RIMS2: variants seen among roughly 807,000 people sequenced by gnomAD.
RIMS2 encodes regulating synaptic membrane exocytosis protein 2.
Under a neutral mutation model 174.4 loss-of-function variants are expected in RIMS2, and 59 were observed. The ratio of observed to expected loss-of-function variants is 0.34; its 90% CI spans 0.27 to 0.42. The LOEUF is 0.42. Ranked by LOEUF, RIMS2 falls within the 10% of genes least tolerant of loss-of-function variation. The pLI, the probability that RIMS2 is intolerant of heterozygous loss-of-function variation, is 1.00. For synonymous variants in RIMS2, 606 were observed against 572.5 expected (o/e 1.06, Z -0.84); for missense variants, 1,620 against 1,666.3 (o/e 0.97, Z 0.48).
chr8:103,509,066 G>C lies in RIMS2; in HGVS notation c.176+8004G>C, dbSNP rs1825182866. Among the ~76,000 whole-genome samples, 3 of 152,070 alleles carry C rather than the reference G, an allele frequency of 2.0e-5. No homozygotes were observed. In the South Asian group the frequency reaches 6.2e-4, roughly 31 times the overall value. On this transcript the variant is annotated intron_variant, in intron 1 of 23. Coordinates refer to ENST00000504942, the Ensembl canonical transcript of RIMS2. The stretch of plus-strand genomic sequence containing the variant: ...ATTTTATTGTTTTAGTTATTCTAGA[G>C]AGTTTGTAGCATTAATATGAGTAAT...
intron 1 of RIMS2, among the ~76,000 whole-genome samples, chr8:103,692,664 G>C (rs1482994563): frequency 6.6e-6 from 1 of 152,206 alleles, no homozygotes; most frequent in African/African-American, 2.4e-5. Context: ...TTCTGGCCCA[G>C]AGTATCTCTA....
chr8:103,816,787 T>C, intron 3 of RIMS2, among the ~76,000 whole-genome samples: 1 of 152,244 alleles, frequency 6.6e-6, no homozygotes, highest in East Asian at 1.9e-4. Flanking sequence ...TGATGTATCG[T>C]TGACTCTTTC....
intron 1 of RIMS2, among the ~76,000 whole-genome samples, chr8:103,695,627 G>A (rs1156395555): frequency 2.0e-5 from 3 of 150,618 alleles, no homozygotes; most frequent in Non-Finnish European, 4.4e-5. Flanking sequence ...ATCTGGAAAA[G>A]TTTTTATTTT....
chr8:103,770,888 A>G (rs1436776566), intron 3 of RIMS2, among the ~76,000 whole-genome samples: 1 of 152,206 alleles, frequency 6.6e-6, no homozygotes, highest in African/African-American at 2.4e-5. Flanking sequence ...TTGAAGCATT[A>G]GTAATTTGTT....
chr8:103,787,782 G>T (rs1055406828), intron 3 of RIMS2, among the ~76,000 whole-genome samples: 18 of 151,998 alleles, frequency 1.2e-4, no homozygotes, highest in African/African-American at 3.9e-4. Flanking sequence ...TATCTTTGTG[G>T]CGTTCTCTGT....
rs765471282 is a variant in RIMS2, at chr8:103,961,046, G to A, written c.2702-19G>A. 8.0e-7 allele frequency: 1 copy of A among 1,253,214 alleles called. No individual in the cohort carries two copies. The highest frequency in any genetic ancestry group is 1.2e-6 in the Non-Finnish European group (1 of 855,740). The allele number at this position is 1,253,214 out of a possible 1,614,324, so 77.6% of individuals were successfully genotyped here. On this transcript the variant is annotated intron_variant, in intron 14 of 23. Transcript: ENST00000504942. ...TAGAGAATCAGAATTTTTAATTATT[G>A]CTATTGTTTACTTTATAGGGTCAAA...
chr8:103,777,594 G>C (rs887275910), intron 3 of RIMS2, among the ~76,000 whole-genome samples: 4 of 151,782 alleles, frequency 2.6e-5, no homozygotes, highest in African/African-American at 4.8e-5. Context: ...ATTTATTTTG[G>C]TGATGAAAAT....
chr8:104,122,966 G>A (rs1345572526), intron 19 of RIMS2, among the ~76,000 whole-genome samples: 1 of 152,058 alleles, frequency 6.6e-6, no homozygotes, highest in Non-Finnish European at 1.5e-5. Flanking sequence ...AATAAAGAAT[G>A]TATGATTTAC....
At chr8:103,605,818 T>C (rs961213949) in intron 1 of RIMS2, among the ~76,000 whole-genome samples, 15 of 151,996 alleles carry the variant, frequency 9.9e-5, no homozygotes, top group African/African-American at 3.4e-4. Flanking sequence ...CTGATGGTAG[T>C]TTGTATTTCT....
intron 16 of RIMS2, among the ~76,000 whole-genome samples, chr8:103,984,320 A>G (rs1392692249): frequency 6.6e-6 from 1 of 152,250 alleles, no homozygotes; most frequent in Non-Finnish European, 1.5e-5. Flanking sequence ...AGGGATTAAT[A>G]GCCAGAATGT....
intron 19 of RIMS2, among the ~76,000 whole-genome samples, chr8:104,119,939 C>A (rs1008394591): frequency 1.3e-5 from 2 of 152,336 alleles, no homozygotes; most frequent in Admixed American, 1.3e-4. Context: ...CAGTAAGCTA[C>A]TGTATTTTTA....
intron 3 of RIMS2, among the ~76,000 whole-genome samples, chr8:103,801,367 A>G (rs1377085538): frequency 2.6e-5 from 4 of 152,226 alleles, no homozygotes; most frequent in Non-Finnish European, 2.9e-5. Flanking sequence ...CCTTGAGCAT[A>G]TGGATATTTT....
intron 19 of RIMS2, 108 bp downstream of exon 22, chr8:104,041,466 A>G: frequency 1.8e-6 from 1 of 546,372 alleles, no homozygotes; most frequent in Non-Finnish European, 3.3e-6. Flanking sequence ...TTTGTAATAT[A>G]ACAAAATATT....
At chr8:103,970,465 T>C (rs2092737430) in intron 15 of RIMS2, among the ~76,000 whole-genome samples, 2 of 152,186 alleles carry the variant, frequency 1.3e-5, no homozygotes, top group South Asian at 4.1e-4. Flanking sequence ...CTTGGAAGCA[T>C]GAGGAGATTT....
intron 1 of RIMS2, among the ~76,000 whole-genome samples, chr8:103,696,804 A>C (rs796447194): frequency 6.9e-6 from 1 of 145,476 alleles, no homozygotes. Context: ...CAGAGGTTGC[A>C]GCGAGCCAAG....
intron 2 of RIMS2, among the ~76,000 whole-genome samples, chr8:103,749,916 A>G (rs1304296375): frequency 2.0e-5 from 3 of 152,170 alleles, no homozygotes; most frequent in Non-Finnish European, 2.9e-5. Context: ...TATTATCAGA[A>G]TAGGTGATTG....
At chr8:103,525,142 G>A (rs1016431729) in intron 1 of RIMS2, among the ~76,000 whole-genome samples, 6 of 152,274 alleles carry the variant, frequency 3.9e-5, no homozygotes, top group South Asian at 2.1e-4. Context: ...GAAGAAAGAA[G>A]CATTTTTGCA....
intron 1 of RIMS2, among the ~76,000 whole-genome samples, chr8:103,693,408 A>G (rs1320501068): frequency 6.6e-5 from 10 of 152,034 alleles, no homozygotes; most frequent in Non-Finnish European, 1.0e-4. Flanking sequence ...TAGTTGTTCA[A>G]TTTGGTGTTC....
intron 3 of RIMS2, among the ~76,000 whole-genome samples, chr8:103,810,701 G>A (rs369196474): frequency 1.1e-4 from 17 of 152,018 alleles, no homozygotes; most frequent in African/African-American, 3.9e-4. Context: ...TGTTCTTAAA[G>A]CTTCTAAAGC....
Sources: allele counts gnomAD v4.1 joint callset (sites outside exome capture counted in the v4.1 genomes callset), GRCh38; gene constraint gnomAD v4.1.1; transcripts MANE v1.5; gene names NCBI Gene and HGNC (gene_info 2026-07-23, HGNC 2026-07-21).